The following NCOA1 variants were observed in gnomAD, a reference collection of about 807,000 sequenced individuals.
NCOA1 encodes the protein nuclear receptor coactivator 1.
A neutral mutation model predicts 150.9 loss-of-function variants in NCOA1; 35 were observed. The observed-to-expected ratio is 0.23, with a 90% confidence interval of 0.18 to 0.31. The LOEUF is 0.31. NCOA1 is among the 10% of genes least tolerant of loss of function. NCOA1 has a pLI of 1.00. For missense variants in NCOA1, 1,491 were observed against 1,749.3 expected (o/e 0.85, Z 2.63); for synonymous variants, 590 against 630.0 (o/e 0.94, Z 0.95).
intron 1 of NCOA1, among the ~76,000 whole-genome samples, chr2:24,514,285 C>CA (rs57412614): frequency 0.3 from 9,534 of 32,086 alleles, 1,492 homozygotes; most frequent in Non-Finnish European, 0.39. Context: ...GACTCTGTCT[C>CA]AAAAAAAAAA....
chr2:24,668,365 CTT>C (rs1195139197), intron 6 of NCOA1, among the ~76,000 whole-genome samples: 1 of 151,962 alleles, frequency 6.6e-6, no homozygotes. Flanking sequence ...GATAAAGTAA[CTT>C]ATACCAATGC....
At chr2:24,533,524 C>T (rs889111278) in intron 1 of NCOA1, among the ~76,000 whole-genome samples, 7 of 151,980 alleles carry the variant, frequency 4.6e-5, no homozygotes, top group African/African-American at 9.7e-5. Flanking sequence ...TGTCTTGTGC[C>T]GGTTTTCAAA....
chr2:24,610,089 A>G (rs1056058320), intron 3 of NCOA1, among the ~76,000 whole-genome samples: 1 of 119,464 alleles, frequency 8.4e-6, no homozygotes, highest in Non-Finnish European at 1.8e-5. Flanking sequence ...CCTTTCTTTC[A>G]TATTTTGCAT....
intron 1 of NCOA1, among the ~76,000 whole-genome samples, chr2:24,562,815 A>G (rs1307075400): frequency 1.3e-5 from 2 of 152,186 alleles, no homozygotes; most frequent in African/African-American, 4.8e-5. Flanking sequence ...GGAGATAACA[A>G]GCGACTAGAA....
intron 1 of NCOA1, among the ~76,000 whole-genome samples, chr2:24,523,553 C>T (rs1664512568): frequency 7.8e-6 from 1 of 127,920 alleles, no homozygotes; most frequent in Non-Finnish European, 1.6e-5. Flanking sequence ...TTACAGTGAG[C>T]TGAGATTGCG....
intron 4 of NCOA1, among the ~76,000 whole-genome samples, chr2:24,655,627 G>A (rs181400816): frequency 6.6e-6 from 1 of 152,288 alleles, no homozygotes; most frequent in East Asian, 1.9e-4. Flanking sequence ...ACACTTGGTA[G>A]CCTACTCTGG....
At chr2:24,688,991 T>G (rs1672537614) in intron 8 of NCOA1, among the ~76,000 whole-genome samples, 1 of 152,222 alleles carries the variant, frequency 6.6e-6, no homozygotes, top group Non-Finnish European at 1.5e-5. Context: ...CAGCACCATT[T>G]ATTGACTAGG....
intron 8 of NCOA1, among the ~76,000 whole-genome samples, chr2:24,685,071 T>C (rs1380762604): frequency 6.6e-6 from 1 of 151,938 alleles, no homozygotes; most frequent in African/African-American, 2.4e-5. Flanking sequence ...AGAAAGAAAT[T>C]TGAAGAAAAA....
chr2:24,617,563 G>C (rs1668926829), intron 3 of NCOA1, among the ~76,000 whole-genome samples: 3 of 151,994 alleles, frequency 2.0e-5, no homozygotes, highest in Middle Eastern at 3.2e-3. Context: ...CCACTTCTTT[G>C]AAAGTCATCT....
Position 24,768,514 on chromosome 2 carries a change from A to T in NCOA1, c.*123A>T. ...CCATTCTTCAGGTCGTAGCATTTGG[A>T]GCAAAAAAAAAAAAAAAAAAAAAAA... On this transcript the variant is annotated 3_prime_UTR_variant, in exon 23 of 23. Transcript: ENST00000348332. 2.4e-5 allele frequency: 4 copies of T among 166,058 alleles called. No homozygotes were observed. The highest frequency in any genetic ancestry group is 4.7e-5 in the Non-Finnish European group (4 of 84,324). 10.3% of individuals were successfully genotyped at this position (166,058 alleles called of 1,614,324 possible).
rs1433192760 is a variant in NCOA1, at chr2:24,769,557, C to G, written c.*1166C>G. 4.9e-6 allele frequency: 1 copy of G among 202,880 alleles called. No homozygotes were observed. The highest frequency in any genetic ancestry group is 2.3e-5 in the African/African-American group (1 of 43,604). 12.6% of individuals were successfully genotyped at this position (202,880 alleles called of 1,614,324 possible). The stretch of plus-strand genomic sequence containing the variant: ...GATCATCTGAACAGAAGTGCACAGG[C>G]TACTTGTACAGAGAAAAAATTAATA... On this transcript the variant is annotated 3_prime_UTR_variant, in exon 23 of 23. Coordinates refer to ENST00000348332, the MANE Select transcript of NCOA1 (RefSeq NM_003743.5).
chr2:24,620,748 T>G (rs1169040143), intron 3 of NCOA1, among the ~76,000 whole-genome samples: 1 of 152,236 alleles, frequency 6.6e-6, no homozygotes, highest in Non-Finnish European at 1.5e-5. Flanking sequence ...AAAAATTTGA[T>G]TTTATACAAA....
chr2:24,526,864 T>C (rs1664675601), intron 1 of NCOA1, among the ~76,000 whole-genome samples: 1 of 152,176 alleles, frequency 6.6e-6, no homozygotes, highest in South Asian at 2.1e-4. Context: ...GGAAAAAATT[T>C]AGTAATACAA....
Position 24,769,336 on chromosome 2 carries a change from A to G in NCOA1, c.*945A>G, listed in dbSNP as rs1358503004. ...TTCTGTTTAATTTTATGCTTTTATT[A>G]TACTCTTGATTTTTCTAAATTTGTG... is the stretch of plus-strand genomic sequence containing the variant. On this transcript the variant is annotated 3_prime_UTR_variant, in exon 23 of 23. Coordinates refer to ENST00000348332, the MANE Select transcript of NCOA1 (RefSeq NM_003743.5). The G allele has an allele frequency of 5.3e-6, 1 of 187,404 alleles. No homozygotes were observed. The highest frequency in any genetic ancestry group is 1.1e-5 in the Non-Finnish European group (1 of 88,736). The allele number at this position is 187,404 out of a possible 1,614,324, so 11.6% of individuals were successfully genotyped here.
intron 1 of NCOA1, among the ~76,000 whole-genome samples, chr2:24,512,601 T>C (rs886366696): frequency 6.6e-6 from 1 of 152,242 alleles, no homozygotes; most frequent in Admixed American, 6.5e-5. Context: ...ACTTCACTTA[T>C]GTGCAGAGTG....
chr2:24,642,007 CGTGTGTGTGT>C (rs58991961), intron 3 of NCOA1, among the ~76,000 whole-genome samples: 12 of 145,032 alleles, frequency 8.3e-5, no homozygotes, highest in Admixed American at 2.7e-4. Flanking sequence ...TTACAGAGGG[CGTGTGTGTGT>C]GTGTGTGTGT....
chr2:24,536,112 C>T (rs1665129250), intron 1 of NCOA1, among the ~76,000 whole-genome samples: 1 of 152,186 alleles, frequency 6.6e-6, no homozygotes, highest in African/African-American at 2.4e-5. Context: ...TTGGTCTTCT[C>T]ACATAGTCCC....
At chr2:24,554,782 A>T (rs989761385) in intron 1 of NCOA1, among the ~76,000 whole-genome samples, 1 of 152,196 alleles carries the variant, frequency 6.6e-6, no homozygotes, top group Non-Finnish European at 1.5e-5. Context: ...AAGAATGGCA[A>T]CCATGCTGTG....
chr2:24,538,307 G>A (rs1317291549), intron 1 of NCOA1, among the ~76,000 whole-genome samples: 1 of 152,166 alleles, frequency 6.6e-6, no homozygotes, highest in Admixed American at 6.5e-5. Context: ...TAAAATTGAG[G>A]CAATAGTGCA....
Sources: allele counts gnomAD v4.1 joint callset (sites outside exome capture counted in the v4.1 genomes callset), GRCh38; gene constraint gnomAD v4.1.1; transcripts MANE v1.5; gene names NCBI Gene and HGNC (gene_info 2026-07-23, HGNC 2026-07-21).